Variants in EGFLAM observed in about 807,000 individuals in gnomAD.
EGFLAM encodes EGF like, fibronectin type III and laminin G domains.
A neutral mutation model predicts 113.1 loss-of-function variants in EGFLAM; 79 were observed. The observed-to-expected ratio is 0.70, with a 90% CI of 0.58 to 0.84. The LOEUF (loss-of-function observed/expected upper bound fraction) is 0.84, where lower values mean the gene tolerates loss of function less well. EGFLAM is among the 40% of genes least tolerant of loss of function. The pLI is 0.00. For missense variants in EGFLAM, 1,265 were observed against 1,291.6 expected (o/e 0.98, Z 0.32); for synonymous variants, 504 against 487.6 (o/e 1.03, Z -0.44).
intron 1 of EGFLAM, among the ~76,000 whole-genome samples, chr5:38,293,296 T>G (rs1383310033): frequency 6.6e-6 from 1 of 152,208 alleles, no homozygotes; most frequent in Non-Finnish European, 1.5e-5. Context: ...AGATGGAATC[T>G]TCAACCTTTC....
At chr5:38,397,943 T>C (rs1445780640) in intron 6 of EGFLAM, among the ~76,000 whole-genome samples, 1 of 152,218 alleles carries the variant, frequency 6.6e-6, no homozygotes, top group Non-Finnish European at 1.5e-5. Flanking sequence ...CCCTCAGAGA[T>C]GGCTGGTCGG....
chr5:38,268,725 G>A (rs551000052), intron 1 of EGFLAM, among the ~76,000 whole-genome samples: 1 of 152,198 alleles, frequency 6.6e-6, no homozygotes, highest in Non-Finnish European at 1.5e-5. Flanking sequence ...ACTTTTACTT[G>A]CTGGAGGCCA....
intron 1 of EGFLAM, among the ~76,000 whole-genome samples, chr5:38,267,470 A>G (rs1261618972): frequency 2.0e-5 from 3 of 152,230 alleles, no homozygotes; most frequent in East Asian, 3.8e-4. Context: ...AATAGATCCC[A>G]TGATCCTTTG....
chr5:38,289,278 C>CCG (rs1554045477), intron 1 of EGFLAM, among the ~76,000 whole-genome samples: 5 of 151,068 alleles, frequency 3.3e-5, no homozygotes, highest in African/African-American at 4.9e-5. Flanking sequence ...TTTCCCCGCC[C>CCG]CCACATTTCA....
At chr5:38,445,428 C>A in intron 17 of EGFLAM, 1 of 1,326,912 alleles carries the variant, frequency 7.5e-7, no homozygotes, top group Non-Finnish European at 9.7e-7. Flanking sequence ...ACCGCCACGC[C>A]CACCTTCAAT....
At chr5:38,454,531 G>A (rs551797302) in intron 19 of EGFLAM, among the ~76,000 whole-genome samples, 4 of 152,312 alleles carry the variant, frequency 2.6e-5, no homozygotes, top group Middle Eastern at 6.8e-3. Flanking sequence ...AGCATTTTCT[G>A]AGTCTTAGAA....
chr5:38,396,410 G>A (rs1740963639), intron 6 of EGFLAM, among the ~76,000 whole-genome samples: 1 of 152,184 alleles, frequency 6.6e-6, no homozygotes, highest in Admixed American at 6.5e-5. Flanking sequence ...TGACTGACTA[G>A]ATACATAGAT....
chr5:38,430,065 G>A (rs558169113), intron 14 of EGFLAM: 9 of 227,252 alleles, frequency 4.0e-5, no homozygotes, highest in East Asian at 2.2e-4. Context: ...GCAATCTGAC[G>A]TGCCATCATC....
intron 16 of EGFLAM, 47 bp from the exon 17 acceptor site, chr5:38,438,228 A>G (rs975506542): frequency 1.3e-6 from 2 of 1,586,342 alleles, no homozygotes; most frequent in South Asian, 1.2e-5. Flanking sequence ...GAAGACTACA[A>G]AGATGTTTCT....
chr5:38,410,213 T>C (rs929643422), intron 10 of EGFLAM, among the ~76,000 whole-genome samples: 5 of 152,282 alleles, frequency 3.3e-5, no homozygotes, highest in African/African-American at 9.6e-5. Flanking sequence ...AGAAGGCTTC[T>C]GAGCATCCCA....
chr5:38,414,820 C>A (rs535625520), intron 11 of EGFLAM, among the ~76,000 whole-genome samples: 1 of 152,070 alleles, frequency 6.6e-6, no homozygotes, highest in Admixed American at 6.5e-5. Context: ...ATGGACCCCC[C>A]CTCAAGGCCA....
chr5:38,460,969 A>C (rs1743251243), intron 20 of EGFLAM: 1 of 152,242 alleles, frequency 6.6e-6, no homozygotes, highest in African/African-American at 2.4e-5. Context: ...GTTGCCAGGT[A>C]CTTTTCATAC....
At chr5:38,432,934 G>A (rs1742231959) in intron 15 of EGFLAM, among the ~76,000 whole-genome samples, 1 of 152,172 alleles carries the variant, frequency 6.6e-6, no homozygotes. Flanking sequence ...TACCTCTGGC[G>A]ACATGTGGGT....
intron 1 of EGFLAM, among the ~76,000 whole-genome samples, chr5:38,278,609 C>T (rs927722999): frequency 6.6e-6 from 1 of 152,058 alleles, no homozygotes; most frequent in Non-Finnish European, 1.5e-5. Flanking sequence ...CTGCCTCAGC[C>T]TCCCGAGTAG....
At position 38,364,511 on chromosome 5, in the gene EGFLAM, G is replaced by C. The variant is rs531274496; in HGVS notation, c.546-5785G>C. 2.0e-5 allele frequency among the ~76,000 whole-genome samples: 3 copies of C among 152,204 alleles called. No individual in the cohort carries two copies. The East Asian group carries it at 5.8e-4, about 29-fold the overall frequency. On this transcript the variant is annotated intron_variant, in intron 5 of 21. Coordinates refer to ENST00000322350, the MANE Select transcript of EGFLAM (RefSeq NM_152403.4). ...GCTTAGAAAGCCTGGAGCTCTGTGG[G>C]GTGAGAGATGGGTCGGTGAGGGTCA... is the stretch of plus-strand genomic sequence containing the variant.
At chr5:38,378,201 C>A (rs1438708336) in intron 6 of EGFLAM, among the ~76,000 whole-genome samples, 4 of 152,096 alleles carry the variant, frequency 2.6e-5, no homozygotes, top group African/African-American at 9.7e-5. Context: ...CATCTCACCC[C>A]TCTTTTCTTC....
chr5:38,446,432 T>A (rs1014906162), intron 17 of EGFLAM, among the ~76,000 whole-genome samples: 1 of 152,148 alleles, frequency 6.6e-6, no homozygotes, highest in African/African-American at 2.4e-5. Flanking sequence ...TTCTCATTCA[T>A]GCCACCCGTT....
chr5:38,436,597 C>G (rs1742358971), intron 16 of EGFLAM, among the ~76,000 whole-genome samples: 1 of 152,166 alleles, frequency 6.6e-6, no homozygotes, highest in Non-Finnish European at 1.5e-5. Flanking sequence ...ACCTAGGAAA[C>G]AAGCTGGGAT....
intron 1 of EGFLAM, chr5:38,286,509 G>A (rs994049977): frequency 3.3e-5 from 5 of 152,170 alleles, no homozygotes; most frequent in Admixed American, 6.5e-5. Flanking sequence ...TAAGATGTGA[G>A]CACACCTTCC....
Sources: allele counts gnomAD v4.1 joint callset (sites outside exome capture counted in the v4.1 genomes callset), GRCh38; gene constraint gnomAD v4.1.1; transcripts MANE v1.5; gene names NCBI Gene and HGNC (gene_info 2026-07-23, HGNC 2026-07-21).